The following CDH18 variants were observed in gnomAD, a reference collection of about 807,000 sequenced individuals.
CDH18 encodes the protein cadherin-18.
In CDH18, 31 loss-of-function variants were observed where a neutral mutation model predicts 67.9. The observed-to-expected ratio is 0.46, with a 90% CI of 0.34 to 0.62. CDH18 has a LOEUF of 0.62. CDH18 is among the 20% of genes least tolerant of loss of function. The pLI is 0.01. For synonymous variants in CDH18, 362 were observed against 347.2 expected (o/e 1.04, Z -0.48); for missense variants, 890 against 975.5 (o/e 0.91, Z 1.17).
rs1268992596 is a variant in CDH18 at position 19,783,955 on chromosome 5, C to T, written c.229-36719G>A. Reference sequence around the variant, plus strand: ...TCTGTACCTGATACATTCCTCTGCCCTTTATATACAAAAATCCCATAGGTA... The same window carrying T: ...TCTGTACCTGATACATTCCTCTGCCTTTTATATACAAAAATCCCATAGGTA... On this transcript the variant is annotated intron_variant, in intron 3 of 12. Transcript: ENST00000382275. Among the ~76,000 whole-genome samples, 3 of 152,010 alleles carry T rather than the reference C, an allele frequency of 2.0e-5. No individual in the cohort carries two copies. The East Asian group carries it at 5.8e-4, about 29-fold the overall frequency.
intron 1 of CDH18, among the ~76,000 whole-genome samples, chr5:20,293,444 T>C (rs1208348814): frequency 6.6e-6 from 1 of 151,812 alleles, no homozygotes; most frequent in Non-Finnish European, 1.5e-5. Context: ...AAGAGATAAG[T>C]GCTGAATAAA....
intron 2 of CDH18, among the ~76,000 whole-genome samples, chr5:19,967,684 C>A (rs911236044): frequency 1.3e-5 from 2 of 152,014 alleles, no homozygotes; most frequent in Non-Finnish European, 2.9e-5. Flanking sequence ...AGGTATCCTA[C>A]GTATCTCAAA....
At chr5:20,087,062 A>T (rs1379063408) in intron 2 of CDH18, among the ~76,000 whole-genome samples, 1 of 152,210 alleles carries the variant, frequency 6.6e-6, no homozygotes, top group African/African-American at 2.4e-5. Context: ...ATTAATAGAC[A>T]TCAAAATATT....
At chr5:20,211,619 C>G (rs879144612) in intron 2 of CDH18, among the ~76,000 whole-genome samples, 1 of 152,088 alleles carries the variant, frequency 6.6e-6, no homozygotes, top group South Asian at 2.1e-4. Context: ...CTGGTGATAC[C>G]CAGGCAAACA....
intron 2 of CDH18, among the ~76,000 whole-genome samples, chr5:20,037,420 C>T (rs981630714): frequency 1.3e-5 from 2 of 152,086 alleles, no homozygotes; most frequent in African/African-American, 4.8e-5. Flanking sequence ...CTCAGCACCA[C>T]ATCACACTTA....
intron 1 of CDH18, among the ~76,000 whole-genome samples, chr5:20,354,176 G>T (rs1561997463): frequency 6.6e-6 from 1 of 152,114 alleles, no homozygotes; most frequent in Non-Finnish European, 1.5e-5. Flanking sequence ...ACATTAAAAA[G>T]ATGCATTCTA....
intron 1 of CDH18, among the ~76,000 whole-genome samples, chr5:20,551,819 T>C (rs1002513280): frequency 5.3e-5 from 8 of 152,090 alleles, no homozygotes; most frequent in African/African-American, 1.4e-4. Context: ...TGTGTAGGTC[T>C]GTAAGTCAGT....
At chr5:19,973,558 A>G (rs766209502) in intron 2 of CDH18, among the ~76,000 whole-genome samples, 1 of 152,184 alleles carries the variant, frequency 6.6e-6, no homozygotes, top group Non-Finnish European at 1.5e-5. Flanking sequence ...AAGGAAAGGA[A>G]TAAGCTAATA....
At chr5:19,887,147 T>G (rs1233413025) in intron 2 of CDH18, among the ~76,000 whole-genome samples, 1 of 151,386 alleles carries the variant, frequency 6.6e-6, no homozygotes, top group African/African-American at 2.4e-5. Flanking sequence ...AATTTGTTTT[T>G]TTGTTTTTTG....
At chr5:19,617,597 A>G (rs1249210299) in intron 5 of CDH18, among the ~76,000 whole-genome samples, 1 of 152,220 alleles carries the variant, frequency 6.6e-6, no homozygotes, top group Non-Finnish European at 1.5e-5. Flanking sequence ...TGTTTGTTGG[A>G]AAGGCTTCAC....
chr5:20,509,160 C>T (rs1193959092), intron 1 of CDH18, among the ~76,000 whole-genome samples: 1 of 152,028 alleles, frequency 6.6e-6, no homozygotes, highest in Non-Finnish European at 1.5e-5. Flanking sequence ...CAATTATAGT[C>T]CCCATGTTGT....
intron 3 of CDH18, among the ~76,000 whole-genome samples, chr5:19,830,715 A>G (rs79740344): frequency 4.6e-5 from 7 of 152,260 alleles, no homozygotes; most frequent in African/African-American, 1.4e-4. Flanking sequence ...AAATCATCCT[A>G]CTATAACCAC....
At chr5:20,499,366 T>C (rs925641355) in intron 1 of CDH18, among the ~76,000 whole-genome samples, 2 of 152,130 alleles carry the variant, frequency 1.3e-5, no homozygotes, top group Non-Finnish European at 2.9e-5. Flanking sequence ...TTATATGTAT[T>C]ATTTTTATTT....
intron 2 of CDH18, among the ~76,000 whole-genome samples, chr5:20,103,409 G>T (rs1396794490): frequency 6.6e-6 from 1 of 151,988 alleles, no homozygotes; most frequent in Non-Finnish European, 1.5e-5. Flanking sequence ...GTAGAAGAAT[G>T]ATACCACTTT....
chr5:20,177,796 T>C lies in CDH18; in HGVS notation c.-518+77648A>G, dbSNP rs115399174. Reference sequence around the variant, plus strand: ...AGGGTAGTGAATAAGTCTCATGAAATCTGATGGTTTGACAAAGGGAAACCC... The same window carrying C: ...AGGGTAGTGAATAAGTCTCATGAAACCTGATGGTTTGACAAAGGGAAACCC... On this transcript the variant is annotated intron_variant, in intron 2 of 14. Coordinates refer to the CDH18 transcript ENST00000507958. 5.7e-3 allele frequency among the ~76,000 whole-genome samples: 870 copies of C among 152,160 alleles called. 9 individuals carry two copies. The highest frequency in any genetic ancestry group is 0.02 in the African/African-American group (834 of 41,524).
chr5:20,286,374 C>T (rs1361739325), intron 1 of CDH18, among the ~76,000 whole-genome samples: 1 of 151,480 alleles, frequency 6.6e-6, no homozygotes, highest in African/African-American at 2.4e-5. Flanking sequence ...ATAATAACCA[C>T]TTATATGTTT....
At chr5:20,210,442 T>C (rs983877279) in intron 2 of CDH18, among the ~76,000 whole-genome samples, 2 of 151,986 alleles carry the variant, frequency 1.3e-5, no homozygotes, top group African/African-American at 4.8e-5. Context: ...CATATGTCCA[T>C]AGAGCTTACA....
chr5:19,966,265 A>C (rs1320151061), intron 2 of CDH18, among the ~76,000 whole-genome samples: 1 of 152,156 alleles, frequency 6.6e-6, no homozygotes, highest in Non-Finnish European at 1.5e-5. Context: ...GATGAGATTA[A>C]AAATAATATA....
Position 20,096,060 on chromosome 5 carries a change from G to C in CDH18, c.-517-104046C>G. Among the ~76,000 whole-genome samples, 3 of 152,130 alleles carry C rather than the reference G, an allele frequency of 2.0e-5. 1 individual carries two copies. In the South Asian group the frequency reaches 6.2e-4, roughly 32 times the overall value. On this transcript the variant is annotated intron_variant, in intron 2 of 14. Transcript: ENST00000507958. ...TACATTAGAATCAAAGAAGCAAAGA[G>C]AGAGATGGAGAAGCAGCAATAATTT...
Sources: allele counts gnomAD v4.1 joint callset (sites outside exome capture counted in the v4.1 genomes callset), GRCh38; gene constraint gnomAD v4.1.1; transcripts MANE v1.5; gene names NCBI Gene and HGNC (gene_info 2026-07-23, HGNC 2026-07-21).